Variants in CPA6 observed in about 807,000 individuals in gnomAD.
CPA6 encodes the protein carboxypeptidase B.
A neutral mutation model predicts 63.3 loss-of-function variants in CPA6; 58 were observed. The observed-to-expected ratio is 0.92, with a 90% CI of 0.74 to 1.14. The LOEUF (loss-of-function observed/expected upper bound fraction) is 1.14. CPA6 is among the 50% of genes most tolerant of loss of function. CPA6 has a pLI of 0.00. For missense variants in CPA6, 565 were observed against 526.6 expected, an observed-to-expected ratio of 1.07 and a Z score of -0.71; for synonymous variants, 185 against 179.0, an observed-to-expected ratio of 1.03 and a Z score of -0.27.
chr8:67,579,137 G>T (rs528628035), intron 2 of CPA6, among the ~76,000 whole-genome samples: 3 of 152,070 alleles, frequency 2.0e-5, no homozygotes, highest in Non-Finnish European at 2.9e-5. Context: ...TAGGCTGGGC[G>T]TGGTGGCTCA....
chr8:67,422,680 C>G lies in CPA6; in HGVS notation c.1138G>C (p.Gly380Arg), dbSNP rs996450145. The G allele has an allele frequency of 1.2e-6, 2 of 1,606,758 alleles. No homozygotes were observed. Among genetic ancestry groups the G allele is most frequent in the Admixed American group, 3.4e-5 (2 of 58,638 alleles). Reference protein sequence around the residue: ...PASTTLYVSSGSSMDWAYKNG... With the variant: ...PASTTLYVSSRSSMDWAYKNG... Reference sequence around the variant, plus strand: ...TTGTAGGCCCAATCCATTGAGCTACCAGAGCTCACATCTAAAAGTTAAAAC... The same window carrying G: ...TTGTAGGCCCAATCCATTGAGCTACGAGAGCTCACATCTAAAAGTTAAAAC... Residue 380 changes from glycine to arginine, a missense_variant, in exon 11 of 11, where the codon GGT becomes CGT. Transcript: ENST00000297770.
chr8:67,482,182 T>C (rs1361822418), intron 8 of CPA6, among the ~76,000 whole-genome samples: 1 of 152,214 alleles, frequency 6.6e-6, no homozygotes, highest in Non-Finnish European at 1.5e-5. Flanking sequence ...AGTCTAAGTT[T>C]ACATAGGCAG....
intron 6 of CPA6, among the ~76,000 whole-genome samples, chr8:67,497,618 C>T (rs1028617209): frequency 1.3e-5 from 2 of 152,078 alleles, no homozygotes; most frequent in African/African-American, 4.8e-5. Flanking sequence ...TTTGGGGTCA[C>T]ATAGTAACTC....
chr8:67,547,685 A>C (rs533406244), intron 2 of CPA6, among the ~76,000 whole-genome samples: 8 of 151,880 alleles, frequency 5.3e-5, no homozygotes, highest in African/African-American at 1.7e-4. Context: ...TGTGGAGATA[A>C]AGTCTCCTCA....
intron 1 of CPA6, among the ~76,000 whole-genome samples, chr8:67,640,265 A>G (rs534198044): frequency 1.3e-5 from 2 of 151,322 alleles, no homozygotes; most frequent in East Asian, 1.9e-4. Flanking sequence ...TCCTGCTGCC[A>G]TTCATGGCAC....
intron 3 of CPA6, among the ~76,000 whole-genome samples, chr8:67,514,342 C>T (rs1368413087): frequency 2.0e-5 from 3 of 152,126 alleles, no homozygotes; most frequent in Admixed American, 6.5e-5. Context: ...TGAATCATTT[C>T]ATAGAGGGGA....
chr8:67,482,409 G>C (rs1176396957), intron 8 of CPA6, among the ~76,000 whole-genome samples: 1 of 152,214 alleles, frequency 6.6e-6, no homozygotes, highest in South Asian at 2.1e-4. Context: ...TGTGCTTGTT[G>C]TTTCAGTATA....
intron 1 of CPA6, among the ~76,000 whole-genome samples, chr8:67,655,274 A>G (rs1484410346): frequency 6.6e-6 from 1 of 152,160 alleles, no homozygotes; most frequent in Non-Finnish European, 1.5e-5. Flanking sequence ...AAAAAAGCAT[A>G]TGCAAGTCTT....
chr8:67,499,275 T>A (rs747811504), intron 6 of CPA6, among the ~76,000 whole-genome samples: 20 of 152,192 alleles, frequency 1.3e-4, no homozygotes, highest in Non-Finnish European at 2.5e-4. Flanking sequence ...TTCTGGTTTC[T>A]GTGGCAGAGA....
intron 2 of CPA6, among the ~76,000 whole-genome samples, chr8:67,560,514 T>G (rs1813183441): frequency 6.6e-6 from 1 of 152,106 alleles, no homozygotes; most frequent in African/African-American, 2.4e-5. Context: ...CTTTGTATAA[T>G]GCAATAAACT....
rs903342094 is a variant in CPA6, at chr8:67,509,576, G to A, written c.475C>T (p.Leu159Phe). The part of the protein sequence containing the change: ...MHHLNKTHSG[L>F]IHMFSIGRSY... ...CTTCCAATAGAGAACATGTGAATGA[G>A]GCCTGAGTGAGTTTTATTCAGATGA... The change falls in exon 5 of 11, where the codon CTC becomes TTC. Residue 159 changes from leucine to phenylalanine, a missense_variant. By Grantham distance (22) the Leu-to-Phe change is conservative. Coordinates refer to ENST00000297770, the MANE Select transcript of CPA6 (RefSeq NM_020361.5). 10 of 1,599,112 alleles carry A rather than the reference G, an allele frequency of 6.3e-6. No homozygotes were observed. The highest frequency in any genetic ancestry group is 2.7e-5 in the African/African-American group (2 of 74,438).
intron 2 of CPA6, among the ~76,000 whole-genome samples, chr8:67,561,197 T>C (rs140563480): frequency 3.7e-4 from 57 of 152,282 alleles, no homozygotes; most frequent in Non-Finnish European, 6.3e-4. Flanking sequence ...AGCTCTCCAT[T>C]ACTTTAGTTA....
chr8:67,619,876 A>T (rs1317002374), intron 2 of CPA6, among the ~76,000 whole-genome samples: 1 of 152,158 alleles, frequency 6.6e-6, no homozygotes, highest in East Asian at 1.9e-4. Flanking sequence ...GGCAGATTTG[A>T]GGTTTCCTCC....
At chr8:67,642,311 C>A (rs563646410) in intron 1 of CPA6, among the ~76,000 whole-genome samples, 111 of 120,038 alleles carry the variant, frequency 9.2e-4, no homozygotes, top group African/African-American at 4.3e-3. Flanking sequence ...GAGCATGACT[C>A]CATCTCAAAA....
intron 1 of CPA6, among the ~76,000 whole-genome samples, chr8:67,728,373 C>T (rs962105453): frequency 2.0e-5 from 3 of 151,976 alleles, no homozygotes; most frequent in Non-Finnish European, 4.4e-5. Context: ...TCAGCATTTG[C>T]CAACCTTCAG....
chr8:67,606,773 G>A (rs1330028078), intron 2 of CPA6, among the ~76,000 whole-genome samples: 1 of 152,118 alleles, frequency 6.6e-6, no homozygotes, highest in Non-Finnish European at 1.5e-5. Context: ...GTTTTCTCTA[G>A]GAGGTTCTCC....
intron 1 of CPA6, among the ~76,000 whole-genome samples, chr8:67,646,259 T>A (rs770380857): frequency 1.3e-5 from 2 of 152,218 alleles, no homozygotes; most frequent in African/African-American, 4.8e-5. Flanking sequence ...ATTCCTCCCC[T>A]TTCTTTTAAT....
intron 2 of CPA6, among the ~76,000 whole-genome samples, chr8:67,560,220 C>T (rs1269074231): frequency 3.4e-5 from 5 of 147,358 alleles, no homozygotes; most frequent in Admixed American, 1.4e-4. Flanking sequence ...CAAACCACAG[C>T]GCAAGGAAAT....
At chr8:67,726,185 G>A (rs1253762809) in intron 1 of CPA6, among the ~76,000 whole-genome samples, 1 of 152,124 alleles carries the variant, frequency 6.6e-6, no homozygotes, top group Non-Finnish European at 1.5e-5. Flanking sequence ...TTCAGGTTGA[G>A]GTTACTGGTT....
Sources: gnomAD v4.1 joint callset for allele counts (sites outside exome capture counted in the v4.1 genomes callset) on GRCh38, gnomAD v4.1.1 for gene constraint, MANE v1.5 for transcripts, NCBI Gene and HGNC (gene_info 2026-07-23, HGNC 2026-07-21) for gene names.